BCKDHB: variants seen among roughly 807,000 people sequenced by gnomAD.
BCKDHB encodes the protein branched chain keto acid dehydrogenase E1 subunit beta.
BCKDHB carries 41 observed loss-of-function variants against 48.5 expected under a neutral mutation model. The observed-to-expected ratio is 0.85, with a 90% CI of 0.66 to 1.10. The LOEUF (loss-of-function observed/expected upper bound fraction) is 1.10, where lower values mean the gene tolerates loss of function less well. BCKDHB is among the 50% of genes least tolerant of loss of function. BCKDHB has a pLI of 0.00. For synonymous variants in BCKDHB, 201 were observed against 174.8 expected (o/e 1.15, Z -1.18); for missense variants, 496 against 494.2 (o/e 1.00, Z -0.03).
intron 9 of BCKDHB, among the ~76,000 whole-genome samples, chr6:80,321,406 T>G (rs1049521006): frequency 2.0e-5 from 3 of 152,108 alleles, no homozygotes; most frequent in African/African-American, 7.2e-5. Context: ...CTCGTCCAGG[T>G]GGATTATCTG....
At chr6:80,252,788 A>T (rs1322837430) in intron 8 of BCKDHB, among the ~76,000 whole-genome samples, 2 of 152,214 alleles carry the variant, frequency 1.3e-5, no homozygotes, top group Non-Finnish European at 2.9e-5. Context: ...GAGTAACATA[A>T]ATATTAAGCA....
At chr6:80,310,068 T>G (rs1232323477) in intron 9 of BCKDHB, among the ~76,000 whole-genome samples, 1 of 152,018 alleles carries the variant, frequency 6.6e-6, no homozygotes, top group African/African-American at 2.4e-5. Context: ...GCATGGTGTA[T>G]ATATACAACA....
intron 8 of BCKDHB, among the ~76,000 whole-genome samples, chr6:80,259,939 A>G (rs148581167): frequency 5.3e-5 from 8 of 152,310 alleles, no homozygotes; most frequent in East Asian, 1.9e-4. Flanking sequence ...CCATGACTCT[A>G]TGAAAAGAAC....
chr6:80,452,924 C>CCT, the BCKDHB span, among the ~76,000 whole-genome samples: 7,893 of 152,084 alleles, frequency 0.052, 613 homozygotes, highest in African/African-American at 0.17. Flanking sequence ...CAGTTAGTGC[C>CCT]GTCTTCTTGT....
At chr6:80,211,805 G>T (rs1774946315) in intron 8 of BCKDHB, among the ~76,000 whole-genome samples, 2 of 152,080 alleles carry the variant, frequency 1.3e-5, no homozygotes, top group Admixed American at 1.3e-4. Context: ...ACAAAGAGAG[G>T]ACTTTTACAG....
chr6:80,158,873 A>G (rs1772180052), intron 3 of BCKDHB, among the ~76,000 whole-genome samples: 2 of 152,224 alleles, frequency 1.3e-5, no homozygotes, highest in Non-Finnish European at 2.9e-5. Flanking sequence ...TCTGGGCTTC[A>G]TGCATCATAG....
At chr6:80,349,645 C>A (rs1384905184), downstream of BCKDHB, among the ~76,000 whole-genome samples, 5 of 152,082 alleles carry the variant, frequency 3.3e-5, no homozygotes, top group South Asian at 8.3e-4. Context: ...AAAATGAAAA[C>A]AAATATGGCA....
chr6:80,237,875 A>G (rs960121945), intron 8 of BCKDHB, among the ~76,000 whole-genome samples: 15 of 152,222 alleles, frequency 9.9e-5, no homozygotes, highest in African/African-American at 3.6e-4. Context: ...GCTGGAGCAG[A>G]CTGCTATAAA....
the BCKDHB span, among the ~76,000 whole-genome samples, chr6:80,387,662 T>C: frequency 1.3e-5 from 2 of 152,374 alleles, no homozygotes; most frequent in South Asian, 2.1e-4. Flanking sequence ...AAATGCCTTT[T>C]TCTCCACTCC....
intron 3 of BCKDHB, among the ~76,000 whole-genome samples, chr6:80,134,441 C>T (rs991043399): frequency 3.3e-5 from 5 of 152,104 alleles, no homozygotes; most frequent in Non-Finnish European, 7.4e-5. Context: ...GCGGTGAAGG[C>T]AAGTTTTTGT....
At chr6:80,143,908 C>T (rs148715788) in intron 3 of BCKDHB, among the ~76,000 whole-genome samples, 3 of 152,078 alleles carry the variant, frequency 2.0e-5, no homozygotes, top group South Asian at 2.1e-4. Context: ...ATTTCTTCTC[C>T]GTTTCTGGGC....
chr6:80,248,735 T>C (rs1776714446), intron 8 of BCKDHB, among the ~76,000 whole-genome samples: 1 of 152,086 alleles, frequency 6.6e-6, no homozygotes, highest in Non-Finnish European at 1.5e-5. Flanking sequence ...TTAGAGAGGC[T>C]CTCACTCCAA....
chr6:80,166,303 A>G (rs1772563937), intron 3 of BCKDHB, among the ~76,000 whole-genome samples: 1 of 152,080 alleles, frequency 6.6e-6, no homozygotes. Flanking sequence ...TTAAAATACC[A>G]CTTTCTAATT....
chr6:80,347,852 C>T (rs1582606895), downstream of BCKDHB, among the ~76,000 whole-genome samples: 1 of 152,074 alleles, frequency 6.6e-6, no homozygotes. Flanking sequence ...TACATTTTTG[C>T]ATGAAAGAAA....
At chr6:80,368,568 A>G in the BCKDHB span, among the ~76,000 whole-genome samples, 3 of 152,204 alleles carry the variant, frequency 2.0e-5, no homozygotes, top group Admixed American at 6.5e-5. Flanking sequence ...TTGTAACAGG[A>G]ACCGTGATGA....
intron 5 of BCKDHB, among the ~76,000 whole-genome samples, chr6:80,169,324 C>G (rs368707077): frequency 5.9e-5 from 9 of 152,306 alleles, no homozygotes; most frequent in African/African-American, 1.9e-4. Context: ...TACCTCCCCT[C>G]TCTTTCAAAG....
In BCKDHB at chr6:80,310,394, C is replaced by A. The variant is rs1317848094; in HGVS notation, c.1039-33270C>A. ...TGCATTAGTTTGCTAAGGATAATCG[C>A]TTCCAGCTCCATCCATGTCCCTGCA... On this transcript the variant is annotated intron_variant, in intron 9 of 9. Coordinates refer to ENST00000320393, the MANE Select transcript of BCKDHB (RefSeq NM_183050.4). 2.6e-5 allele frequency among the ~76,000 whole-genome samples: 4 copies of A among 152,160 alleles called. No homozygotes were observed. The East Asian group carries it at 7.7e-4, about 29-fold the overall frequency.
At chr6:80,206,630 A>G (rs7740627) in intron 8 of BCKDHB, among the ~76,000 whole-genome samples, 54,640 of 151,430 alleles carry the variant, frequency 0.36, 11,790 homozygotes, top group East Asian at 0.55. Flanking sequence ...ATATCTGACA[A>G]TAAGAACTCA....
intron 8 of BCKDHB, among the ~76,000 whole-genome samples, chr6:80,239,577 C>T (rs539780386): frequency 3.9e-4 from 60 of 152,234 alleles, no homozygotes; most frequent in Non-Finnish European, 6.3e-4. Flanking sequence ...ATGGTAGTCT[C>T]CTTTGCTGTG....
Sources: gnomAD v4.1 joint callset for allele counts (sites outside exome capture counted in the v4.1 genomes callset) on GRCh38, gnomAD v4.1.1 for gene constraint, MANE v1.5 for transcripts, NCBI Gene and HGNC (gene_info 2026-07-23, HGNC 2026-07-21) for gene names.